The following SEPTIN11 variants were observed in gnomAD, a reference collection of about 807,000 sequenced individuals.
SEPTIN11 encodes the protein septin-11.
A neutral mutation model predicts 51.4 loss-of-function variants in SEPTIN11; 25 were observed. The ratio of observed to expected loss-of-function variants is 0.49; its 90% CI spans 0.35 to 0.68. SEPTIN11 has a LOEUF of 0.68. Ranked by LOEUF, SEPTIN11 falls within the 30% of genes least tolerant of loss-of-function variation. The pLI, the probability that SEPTIN11 is intolerant of heterozygous loss-of-function variation, is 0.00. For synonymous variants in SEPTIN11, 174 were observed against 184.1 expected (o/e 0.95, Z 0.44); for missense variants, 381 against 520.8 (o/e 0.73, Z 2.61).
In SEPTIN11 at chr4:77,035,858, C is replaced by G; in HGVS notation, c.*1346C>G. Reference sequence around the variant, plus strand: ...TCCTTTCTGATGCTTATCCTTTCATCTGTGTGATTGTTTTTTCCCCTCTAC... The same window carrying G: ...TCCTTTCTGATGCTTATCCTTTCATGTGTGTGATTGTTTTTTCCCCTCTAC... On this transcript the variant is annotated 3_prime_UTR_variant, in exon 10 of 10. Coordinates refer to ENST00000264893, the MANE Select transcript of SEPTIN11 (RefSeq NM_018243.4). 2 of 985,870 alleles carry G rather than the reference C, an allele frequency of 2.0e-6. No individual in the cohort carries two copies. Among genetic ancestry groups the G allele is most frequent in the Non-Finnish European group, 2.4e-6 (2 of 829,956 alleles). 61.1% of individuals were successfully genotyped at this position (985,870 alleles called of 1,614,324 possible). A position where few individuals can be genotyped will look rare whatever the true frequency, so the allele number is the denominator to read the frequency against.
At chr4:77,030,698 T>C (rs1218884024) in intron 8 of SEPTIN11, 85 bp from the exon 9 acceptor site, 1 of 1,316,848 alleles carries the variant, frequency 7.6e-7, no homozygotes, top group Non-Finnish European at 1.0e-6. Context: ...CCTGGCCATG[T>C]TTTGTTTTTT....
At chr4:76,976,922 G>A (rs926379767) in intron 1 of SEPTIN11, among the ~76,000 whole-genome samples, 16 of 152,194 alleles carry the variant, frequency 1.1e-4, no homozygotes, top group African/African-American at 3.4e-4. Context: ...AGCTGAAATA[G>A]GATTGGAAGC....
At chr4:76,985,641 C>T (rs1426442128) in intron 1 of SEPTIN11, among the ~76,000 whole-genome samples, 1 of 152,162 alleles carries the variant, frequency 6.6e-6, no homozygotes, top group African/African-American at 2.4e-5. Context: ...TCGGCTTCAT[C>T]CACAACCAAT....
intron 1 of SEPTIN11, among the ~76,000 whole-genome samples, chr4:76,966,826 T>A (rs1219233293): frequency 6.6e-6 from 1 of 152,160 alleles, no homozygotes; most frequent in Non-Finnish European, 1.5e-5. Flanking sequence ...ATTGTGCCAC[T>A]GTACTCCAGC....
chr4:77,001,329 A>G (rs968719988), intron 2 of SEPTIN11, among the ~76,000 whole-genome samples: 4 of 148,952 alleles, frequency 2.7e-5, no homozygotes, highest in Non-Finnish European at 5.9e-5. Flanking sequence ...CATCACCATG[A>G]TCATTTTTGT....
chr4:76,971,703 C>T (rs1310948440), intron 1 of SEPTIN11, among the ~76,000 whole-genome samples: 1 of 152,154 alleles, frequency 6.6e-6, no homozygotes, highest in African/African-American at 2.4e-5. Flanking sequence ...AAGCACAACA[C>T]TTACGAAGAT....
chr4:77,025,818 A>G (rs1726091465), intron 7 of SEPTIN11, among the ~76,000 whole-genome samples: 1 of 152,156 alleles, frequency 6.6e-6, no homozygotes, highest in Non-Finnish European at 1.5e-5. Flanking sequence ...TCAGAGTTCA[A>G]AAGCTGGCTC....
chr4:77,034,596 T>C lies in SEPTIN11; in HGVS notation c.*84T>C, dbSNP rs1341473493. 9.4e-6 allele frequency: 13 copies of C among 1,385,440 alleles called. No homozygotes were observed. The highest frequency in any genetic ancestry group is 1.7e-5 in the South Asian group (1 of 58,728). 85.8% of individuals were successfully genotyped at this position (1,385,440 alleles called of 1,614,324 possible). A position where few individuals can be genotyped will look rare whatever the true frequency, so the allele number is the denominator to read the frequency against. The stretch of plus-strand genomic sequence containing the variant: ...CTGCCATGTGTGTTCTTTAGTTTTA[T>C]TTTATTTTATTTTATTTTTTTACCC... On this transcript the variant is annotated 3_prime_UTR_variant, in exon 10 of 10. Transcript: ENST00000264893.
At chr4:76,954,821 C>T (rs151067280) in intron 1 of SEPTIN11, among the ~76,000 whole-genome samples, 2 of 152,138 alleles carry the variant, frequency 1.3e-5, no homozygotes, top group East Asian at 3.9e-4. Context: ...TGCCCACCTG[C>T]TGAACTGTGA....
rs1412044721 is a variant in SEPTIN11 at position 77,035,270 on chromosome 4, A to T, written c.*758A>T. 3.0e-6 allele frequency: 3 copies of T among 985,284 alleles called. No individual in the cohort carries two copies. The African/African-American group carries it at 5.2e-5, about 17-fold the overall frequency. The allele number at this position is 985,284 out of a possible 1,614,324, so 61.0% of individuals were successfully genotyped here. On this transcript the variant is annotated 3_prime_UTR_variant, in exon 10 of 10. Coordinates refer to ENST00000264893, the MANE Select transcript of SEPTIN11 (RefSeq NM_018243.4). ...GAGGTCTTAAAGGTTGGATCATGTA[A>T]CATTGCTTAGTAGAAGAATCTTCTT... is the stretch of plus-strand genomic sequence containing the variant.
intron 1 of SEPTIN11, among the ~76,000 whole-genome samples, chr4:76,975,528 C>T (rs1722455914): frequency 6.6e-6 from 1 of 152,066 alleles, no homozygotes; most frequent in African/African-American, 2.4e-5. Flanking sequence ...ATACATTTTT[C>T]AAGTCAAAAA....
chr4:76,956,984 G>GTGTGTGTGTGTT (rs1305904329), intron 1 of SEPTIN11, among the ~76,000 whole-genome samples: 1 of 140,456 alleles, frequency 7.1e-6, no homozygotes, highest in Non-Finnish European at 1.5e-5. Flanking sequence ...GTGTGTGTGT[G>GTGTGTGTGTGTT]TGTGTGTGTG....
At chr4:77,027,923 A>G (rs892762516) in intron 7 of SEPTIN11, among the ~76,000 whole-genome samples, 5 of 152,012 alleles carry the variant, frequency 3.3e-5, no homozygotes, top group Non-Finnish European at 5.9e-5. Context: ...GAAAATAAAA[A>G]TTAAACTTCT....
At chr4:76,959,500 G>T (rs1721729884) in intron 1 of SEPTIN11, among the ~76,000 whole-genome samples, 1 of 151,934 alleles carries the variant, frequency 6.6e-6, no homozygotes, top group Admixed American at 6.6e-5. Flanking sequence ...TCTTTGGGAT[G>T]GAACTCATAA....
At chr4:77,005,900 G>A in intron 3 of SEPTIN11, 104 bp downstream of exon 3, 1 of 1,056,630 alleles carries the variant, frequency 9.5e-7, no homozygotes, top group East Asian at 2.4e-5. Flanking sequence ...TTAGTTGTGG[G>A]GCTTGGTCCT....
intron 1 of SEPTIN11, among the ~76,000 whole-genome samples, chr4:76,950,525 C>T (rs1042656382): frequency 1.3e-5 from 2 of 152,232 alleles, no homozygotes; most frequent in African/African-American, 4.8e-5. Flanking sequence ...CTGGAGGCTC[C>T]CTTGTGGTGT....
At chr4:76,955,652 C>G (rs138197079) in intron 1 of SEPTIN11, among the ~76,000 whole-genome samples, 406 of 152,290 alleles carry the variant, frequency 2.7e-3, no homozygotes, top group Non-Finnish European at 4.2e-3. Context: ...AGAAAATCTG[C>G]AGACTACTAA....
intron 1 of SEPTIN11, among the ~76,000 whole-genome samples, chr4:76,974,154 C>T (rs1457189973): frequency 6.6e-6 from 1 of 152,178 alleles, no homozygotes; most frequent in Non-Finnish European, 1.5e-5. Flanking sequence ...TCTCTCCCCT[C>T]TCATATTGGT....
At chr4:76,994,255 CT>C (rs1723541457) in intron 1 of SEPTIN11, among the ~76,000 whole-genome samples, 1 of 152,184 alleles carries the variant, frequency 6.6e-6, no homozygotes, top group African/African-American at 2.4e-5. Context: ...GGAAAGAGTT[CT>C]AAAAATAACC....
Sources: allele counts gnomAD v4.1 joint callset (sites outside exome capture counted in the v4.1 genomes callset), GRCh38; gene constraint gnomAD v4.1.1; transcripts MANE v1.5; gene names NCBI Gene and HGNC (gene_info 2026-07-23, HGNC 2026-07-21).